The following PLPP4 variants were observed in gnomAD, a reference collection of about 807,000 sequenced individuals.
The protein encoded by PLPP4 is phospholipid phosphatase 4, also known as diacylglycerol pyrophosphate like 2.
PLPP4 carries 20 observed loss-of-function variants against 32.2 expected under a neutral mutation model. The observed-to-expected ratio is 0.62, with a 90% CI of 0.44 to 0.90. PLPP4 has a LOEUF of 0.90. Ranked by LOEUF, PLPP4 falls within the 40% of genes least tolerant of loss-of-function variation. The pLI, the probability that PLPP4 is intolerant of heterozygous loss-of-function variation, is 0.00. For synonymous variants in PLPP4, 127 were observed against 133.0 expected (o/e 0.95, Z 0.31); for missense variants, 257 against 353.1 (o/e 0.73, Z 2.18).
intron 5 of PLPP4, among the ~76,000 whole-genome samples, chr10:120,570,373 TC>T (rs1848878306): frequency 6.6e-6 from 1 of 152,140 alleles, no homozygotes; most frequent in African/African-American, 2.4e-5. Context: ...TCAGAGAAGA[TC>T]ATACCAACTC....
intron 1 of PLPP4, among the ~76,000 whole-genome samples, chr10:120,502,026 C>T (rs1259610771): frequency 6.6e-6 from 1 of 152,162 alleles, no homozygotes; most frequent in Admixed American, 6.5e-5. Context: ...GGTGCTCCTC[C>T]ATGCTGCTCT....
intron 2 of PLPP4, among the ~76,000 whole-genome samples, chr10:120,504,242 A>G (rs943106347): frequency 3.9e-5 from 6 of 152,224 alleles, no homozygotes; most frequent in Admixed American, 2.0e-4. Context: ...TGGCGGGAAC[A>G]TGCTTGAACA....
chr10:120,481,036 G>A (rs886351055), intron 1 of PLPP4, among the ~76,000 whole-genome samples: 2 of 152,208 alleles, frequency 1.3e-5, no homozygotes, highest in Non-Finnish European at 2.9e-5. Context: ...CTCCTGGTGG[G>A]CAGGGCCTGT....
rs540451127 is a variant in PLPP4 at position 120,527,893 on chromosome 10, CATT to C, written c.445+6804_445+6806del. 1.8e-3 allele frequency among the ~76,000 whole-genome samples: 279 copies of C among 151,778 alleles called. 2 individuals are homozygous for C. Among genetic ancestry groups the C allele is most frequent in the Admixed American group, 0.017 (256 of 15,240 alleles). ...TTTAATGCCATCGAGCATGAATATT[CATT>C]ATTATAAACCAGCTGGTTCTTAGAG... On this transcript the variant is annotated intron_variant, in intron 5 of 6. Coordinates refer to ENST00000398250, the MANE Select transcript of PLPP4 (RefSeq NM_001030059.3).
rs193093963 is a variant in PLPP4 at position 120,528,022 on chromosome 10, C to T, written c.445+6927C>T. 9.7e-4 allele frequency among the ~76,000 whole-genome samples: 144 copies of T among 147,982 alleles called. 2 individuals are homozygous for T. The South Asian group carries it at 0.027, about 28-fold the overall frequency. ...TCATTTAATGGAATGAAATTGCTGT[C>T]AAGGGGTTTTGCTGGTAGATGGGAA... On this transcript the variant is annotated intron_variant, in intron 5 of 6. Coordinates refer to ENST00000398250, the MANE Select transcript of PLPP4 (RefSeq NM_001030059.3).
At chr10:120,587,776 C>T (rs2134090286) in intron 6 of PLPP4, among the ~76,000 whole-genome samples, 1 of 152,318 alleles carries the variant, frequency 6.6e-6, no homozygotes, top group East Asian at 1.9e-4. Context: ...AAAATGTCAC[C>T]TACAGGAGAT....
chr10:120,547,663 T>G (rs893363153), intron 5 of PLPP4, among the ~76,000 whole-genome samples: 3 of 152,178 alleles, frequency 2.0e-5, no homozygotes, highest in African/African-American at 4.8e-5. Context: ...TCCATCTGTA[T>G]TTATCGCAGT....
At chr10:120,466,846 T>G (rs1237940476) in intron 1 of PLPP4, among the ~76,000 whole-genome samples, 1 of 152,102 alleles carries the variant, frequency 6.6e-6, no homozygotes, top group African/African-American at 2.4e-5. Context: ...ATGTGTTAGG[T>G]GCTAAAGCCA....
intron 5 of PLPP4, among the ~76,000 whole-genome samples, chr10:120,528,169 G>T (rs959004527): frequency 7.4e-5 from 11 of 148,648 alleles, no homozygotes; most frequent in African/African-American, 2.7e-4. Context: ...CCGCCTGCCG[G>T]GTTCACGCCA....
chr10:120,534,668 C>T (rs762121441), intron 5 of PLPP4, among the ~76,000 whole-genome samples: 1 of 151,976 alleles, frequency 6.6e-6, no homozygotes, highest in Non-Finnish European at 1.5e-5. Context: ...ATTGGAAAAT[C>T]GCTATCGGAC....
At chr10:120,584,234 G>A (rs1443643065) in intron 6 of PLPP4, among the ~76,000 whole-genome samples, 1 of 152,124 alleles carries the variant, frequency 6.6e-6, no homozygotes, top group Non-Finnish European at 1.5e-5. Context: ...TTAGCCTGAG[G>A]GTCATGTCCT....
chr10:120,535,013 C>T (rs1337018058), intron 5 of PLPP4, among the ~76,000 whole-genome samples: 1 of 152,098 alleles, frequency 6.6e-6, no homozygotes, highest in Non-Finnish European at 1.5e-5. Context: ...TGTTTCTTTG[C>T]ATGTCTCATT....
chr10:120,481,355 AG>A (rs1429271271), intron 1 of PLPP4, among the ~76,000 whole-genome samples: 1 of 152,210 alleles, frequency 6.6e-6, no homozygotes, highest in East Asian at 1.9e-4. Context: ...AGGGCAGCCC[AG>A]GGGACATCAG....
intron 5 of PLPP4, among the ~76,000 whole-genome samples, chr10:120,528,687 G>T (rs957771524): frequency 2.0e-5 from 3 of 152,122 alleles, no homozygotes; most frequent in African/African-American, 7.2e-5. Context: ...TAGATCCTGG[G>T]AGGCTTGCTT....
chr10:120,467,341 C>T lies in PLPP4; in HGVS notation c.56+9980C>T, dbSNP rs529372527. Among the ~76,000 whole-genome samples the T allele has an allele frequency of 3.1e-5, 2 of 64,458 alleles. 1 individual carries two copies. The highest frequency in any genetic ancestry group is 9.0e-5 in the Non-Finnish European group (2 of 22,170). The allele number at this position is 64,458 out of a possible 152,430, so 42.3% of individuals were successfully genotyped here. A position where few individuals can be genotyped will look rare whatever the true frequency, so the allele number is the denominator to read the frequency against. On this transcript the variant is annotated intron_variant, in intron 1 of 6. Transcript: ENST00000398250. ...CTCTTACCTCGTGATCTGCCCGCCT[C>T]AGCCTCCCAAAGTGCTGGGATTACA...
intron 1 of PLPP4, among the ~76,000 whole-genome samples, chr10:120,497,823 G>A (rs1845040715): frequency 6.6e-6 from 1 of 152,028 alleles, no homozygotes; most frequent in Non-Finnish European, 1.5e-5. Context: ...GGCAGATCAC[G>A]AGGTCAGGGG....
chr10:120,563,477 A>G (rs1848527188), intron 5 of PLPP4, among the ~76,000 whole-genome samples: 1 of 152,148 alleles, frequency 6.6e-6, no homozygotes, highest in South Asian at 2.1e-4. Flanking sequence ...ATTTCAAAAT[A>G]TAGAATCAGT....
chr10:120,457,337 G>A lies in PLPP4; in HGVS notation c.32G>A (p.Arg11Gln), dbSNP rs1847828992. The change falls in exon 1 of 7, where the codon CGA becomes CAA. Residue 11 changes from arginine (R) to glutamine (Q), a missense_variant. Physicochemically the swap from Arg to Gln is conservative, Grantham distance 43. Coordinates refer to ENST00000398250, the MANE Select transcript of PLPP4 (RefSeq NM_001030059.3). MRELAIEIGV[R>Q]ALLFGVFVFT... is the part of the protein sequence containing the mutation. ...GAGCTGGCCATTGAGATCGGGGTGC[G>A]AGCCCTGCTCTTCGGAGTCTTCGTG... The A allele has an allele frequency of 6.5e-7, 1 of 1,535,446 alleles. No homozygotes were observed. Among genetic ancestry groups the A allele is most frequent in the Non-Finnish European group, 8.8e-7 (1 of 1,139,930 alleles).
Position 120,543,275 on chromosome 10 carries a change from C to T in PLPP4, c.445+22180C>T, listed in dbSNP as rs1022644677. Among the ~76,000 whole-genome samples the T allele has an allele frequency of 5.3e-5, 8 of 152,148 alleles. No individual in the cohort carries two copies. The East Asian group carries it at 7.7e-4, about 15-fold the overall frequency. ...TCCTCCTCAAGCTGGCATTGTCTAG[C>T]GGGGGATGTTGCCTGTGGATGGTAG... On this transcript the variant is annotated intron_variant, in intron 5 of 6. Coordinates refer to ENST00000398250, the MANE Select transcript of PLPP4 (RefSeq NM_001030059.3).
Sources: gnomAD v4.1 joint callset for allele counts (sites outside exome capture counted in the v4.1 genomes callset) on GRCh38, gnomAD v4.1.1 for gene constraint, MANE v1.5 for transcripts, NCBI Gene and HGNC (gene_info 2026-07-23, HGNC 2026-07-21) for gene names.